OR2C1: variants seen among roughly 807,000 people sequenced by gnomAD.
The protein encoded by OR2C1 is olfactory receptor family 2 subfamily C member 1.
For missense variants in OR2C1, 468 were observed against 388.3 expected, an observed-to-expected ratio of 1.21 and a Z score of -1.73; for synonymous variants, 209 against 167.3, an observed-to-expected ratio of 1.25 and a Z score of -1.92.
At chr16:3,346,620 G>A in the OR2C1 span, among the ~76,000 whole-genome samples, 1 of 100,126 alleles carries the variant, frequency 1.0e-5, no homozygotes, top group Non-Finnish European at 2.0e-5. Flanking sequence ...AAATGTCCAT[G>A]CATCTTTTTT....
the OR2C1 span, among the ~76,000 whole-genome samples, chr16:3,331,339 C>G: frequency 2.6e-5 from 4 of 151,346 alleles, no homozygotes; most frequent in Non-Finnish European, 5.9e-5. Flanking sequence ...TTGTAGGTTG[C>G]CTGTTCACTC....
At chr16:3,327,870 G>A in the OR2C1 span, among the ~76,000 whole-genome samples, 6 of 151,968 alleles carry the variant, frequency 3.9e-5, no homozygotes, top group African/African-American at 1.5e-4. Flanking sequence ...TTGAAACAAT[G>A]TGTAAATAAA....
chr16:3,344,617 C>G, the OR2C1 span, among the ~76,000 whole-genome samples: 2 of 152,104 alleles, frequency 1.3e-5, no homozygotes, highest in Non-Finnish European at 2.9e-5. Flanking sequence ...GTCCCAGCTA[C>G]TCGGGAGGCT....
At chr16:3,326,546 C>T in the OR2C1 span, among the ~76,000 whole-genome samples, 4,620 of 152,248 alleles carry the variant, frequency 0.03, 255 homozygotes, top group African/African-American at 0.11. Context: ...TTGTTGACTG[C>T]CTCCTAACAT....
upstream of OR2C1, among the ~76,000 whole-genome samples, chr16:3,351,575 C>T (rs1489495213): frequency 6.6e-6 from 1 of 152,134 alleles, no homozygotes; most frequent in East Asian, 1.9e-4. Context: ...GGACCTATGT[C>T]CTCCTTCTCC....
chr16:3,339,027 C>G, the OR2C1 span, among the ~76,000 whole-genome samples: 1 of 152,168 alleles, frequency 6.6e-6, no homozygotes, highest in Admixed American at 6.6e-5. Context: ...CCCCTCCCCA[C>G]AGTCCTTGGA....
At chr16:3,329,767 T>G in the OR2C1 span, among the ~76,000 whole-genome samples, 1 of 111,506 alleles carries the variant, frequency 9.0e-6, no homozygotes, top group African/African-American at 3.3e-5. Flanking sequence ...TTTTTTTTTT[T>G]TTTTTGAGGT....
chr16:3,332,716 A>G, the OR2C1 span, among the ~76,000 whole-genome samples: 2 of 47,964 alleles, frequency 4.2e-5, no homozygotes, highest in East Asian at 1.3e-3. Flanking sequence ...ATAATATTCT[A>G]TTGCATATAT....
At position 3,356,850 on chromosome 16, in the gene OR2C1, T is replaced by G. The variant is rs1596415398; in HGVS notation, c.910T>G (p.Leu304Val). 1 of 1,603,998 alleles carries G rather than the reference T, an allele frequency of 6.2e-7. No individual in the cohort carries two copies. The highest frequency in any genetic ancestry group is 8.5e-7 in the Non-Finnish European group (1 of 1,173,972). ...NMEVKGALRR[L>V]LGKGREVG Reference sequence around the variant, plus strand: ...GGAAGTGAAGGGCGCACTGAGGAGGTTGCTGGGGAAAGGAAGAGAAGTTGG... The same window carrying G: ...GGAAGTGAAGGGCGCACTGAGGAGGGTGCTGGGGAAAGGAAGAGAAGTTGG... Residue 304 changes from leucine (L) to valine (V), a missense_variant, in exon 1 of 1, where the codon TTG becomes GTG. Physicochemically the swap from Leu to Val is conservative, Grantham distance 32. Coordinates refer to ENST00000304936, the MANE Select transcript of OR2C1 (RefSeq NM_012368.3).
rs1012850678 is a variant in OR2C1, at chr16:3,356,310, G to T, written c.370G>T (p.Val124Leu). Residue 124 changes from valine to leucine, a missense_variant, in exon 1 of 1, where the codon GTG (valine) becomes TTG (leucine). By Grantham distance (32) the Val-to-Leu change is conservative. Coordinates refer to ENST00000304936, the MANE Select transcript of OR2C1 (RefSeq NM_012368.3). ...LLVVMAFDRY[V>L]AVCRPLRYTA... ...GGTGGTGATGGCATTTGACCGCTAC[G>T]TGGCAGTGTGCCGGCCCCTCCGCTA... The T allele has an allele frequency of 1.2e-6, 2 of 1,613,270 alleles. No homozygotes were observed. The highest frequency in any genetic ancestry group is 3.3e-5 in the Admixed American group (2 of 59,996).
chr16:3,356,726 G>T lies in OR2C1; in HGVS notation c.786G>T (p.Pro262=). 6.2e-7 allele frequency: 1 copy of T among 1,614,024 alleles called. No individual in the cohort carries two copies. The highest frequency in any genetic ancestry group is 8.5e-7 in the Non-Finnish European group (1 of 1,179,992). ...CAGCCAGCTATGGGTATCTGCTTCC[G>T]GCCAAGAACAGCAAACAGGACCAGG... ...YGSASYGYLL[P]AKNSKQDQGK... is the part of the protein sequence containing the mutation. Residue 262 remains proline (P), a synonymous_variant, in exon 1 of 1, where the codon CCG becomes CCT. Transcript: ENST00000304936.
chr16:3,345,127 C>T, the OR2C1 span, among the ~76,000 whole-genome samples: 1 of 151,872 alleles, frequency 6.6e-6, no homozygotes, highest in Non-Finnish European at 1.5e-5. Context: ...CCTGGACGTA[C>T]CTTTGAACAC....
chr16:3,341,113 G>A, the OR2C1 span, among the ~76,000 whole-genome samples: 3 of 151,894 alleles, frequency 2.0e-5, 1 homozygote. Flanking sequence ...TTTTATTTAT[G>A]TTTTTCTTTC....
chr16:3,343,580 C>T, the OR2C1 span, among the ~76,000 whole-genome samples: 124 of 152,138 alleles, frequency 8.2e-4, 1 homozygote, highest in Non-Finnish European at 1.5e-3. Context: ...GGTGAATCCC[C>T]GTCTCTACTA....
upstream of OR2C1, among the ~76,000 whole-genome samples, chr16:3,354,760 C>T (rs1299980913): frequency 6.6e-6 from 1 of 152,074 alleles, no homozygotes; most frequent in Non-Finnish European, 1.5e-5. Flanking sequence ...AGAATCTTGG[C>T]TGGGGAAATG....
At chr16:3,355,069 G>A (rs1337844279), upstream of OR2C1, among the ~76,000 whole-genome samples, 1 of 152,062 alleles carries the variant, frequency 6.6e-6, no homozygotes, top group Non-Finnish European at 1.5e-5. Flanking sequence ...TCATCATGAG[G>A]CACTTCCTTC....
the OR2C1 span, among the ~76,000 whole-genome samples, chr16:3,329,850 G>T: frequency 7.1e-6 from 1 of 140,364 alleles, no homozygotes; most frequent in Non-Finnish European, 1.5e-5. Context: ...TGCTTCCCGG[G>T]TTCAAGTGAT....
the OR2C1 span, among the ~76,000 whole-genome samples, chr16:3,342,884 C>T: frequency 6.6e-6 from 1 of 152,050 alleles, no homozygotes; most frequent in Non-Finnish European, 1.5e-5. Context: ...AAAACAAAAA[C>T]GAAAACGAAA....
the OR2C1 span, chr16:3,323,028 C>T: frequency 1.6e-6 from 1 of 638,910 alleles, no homozygotes; most frequent in Non-Finnish European, 1.9e-6. Flanking sequence ...TTGCCATGAA[C>T]CTAAGCTACT....
Sources: gnomAD v4.1 joint callset for allele counts (sites outside exome capture counted in the v4.1 genomes callset) on GRCh38, gnomAD v4.1.1 for gene constraint, MANE v1.5 for transcripts, NCBI Gene and HGNC (gene_info 2026-07-23, HGNC 2026-07-21) for gene names.